Variants in BBS12 observed in about 807,000 individuals in gnomAD.
The protein encoded by BBS12 is Bardet-Biedl syndrome 12.
Under a neutral mutation model 5.6 loss-of-function variants are expected in BBS12, and 5 were observed. The observed-to-expected ratio is 0.89, with a 90% confidence interval of 0.46 to 1.86. The LOEUF (loss-of-function observed/expected upper bound fraction) is 1.86, where lower values mean the gene tolerates loss of function less well. BBS12 is among the 40% of genes most tolerant of loss of function. The probability of loss-of-function intolerance (pLI) is 0.01; values close to 1 mark genes in which losing one functional copy is unlikely to be tolerated. For missense variants in BBS12, 748 were observed against 830.4 expected (o/e 0.90, Z 1.22); for synonymous variants, 308 against 306.8 (o/e 1.00, Z -0.04).
the BBS12 span, among the ~76,000 whole-genome samples, chr4:122,720,488 T>C: frequency 6.6e-6 from 1 of 151,500 alleles, no homozygotes; most frequent in Non-Finnish European, 1.5e-5. Flanking sequence ...CAGAGGAAAA[T>C]ATTGATAATT....
Position 122,743,173 on chromosome 4 carries a change from A to G in BBS12, c.1281A>G (p.Ile427Met), listed in dbSNP as rs1578491163. ...CCGAACGCTTAATTGAAAAATGTAT[A>G]AACAGTAAGCGGTTGGTAATCGGCT... ...NVSERLIEKC[I>M]NSKRLVIGSV... The change falls in exon 2 of 2, where the codon ATA becomes ATG. Residue 427 changes from isoleucine to methionine, a missense_variant. Coordinates refer to ENST00000314218, the MANE Select transcript of BBS12 (RefSeq NM_152618.3). 3 of 1,614,104 alleles carry G rather than the reference A, an allele frequency of 1.9e-6. No individual in the cohort carries two copies. Among genetic ancestry groups the G allele is most frequent in the African/African-American group, 1.3e-5 (1 of 74,926 alleles).
intron 1 of BBS12, 114 bp from the exon 2 acceptor site, chr4:122,741,769 A>C: frequency 1.1e-6 from 1 of 875,204 alleles, no homozygotes; most frequent in Non-Finnish European, 1.8e-6. Context: ...ACCACTTTTC[A>C]TGGAAATTAT....
At chr4:122,735,332 G>T (rs1215915987) in intron 1 of BBS12, among the ~76,000 whole-genome samples, 1 of 152,186 alleles carries the variant, frequency 6.6e-6, no homozygotes, top group African/African-American at 2.4e-5. Flanking sequence ...ATAAGGAAAG[G>T]TGGGAGAAGA....
chr4:122,722,671 T>C, the BBS12 span, among the ~76,000 whole-genome samples: 2 of 152,186 alleles, frequency 1.3e-5, no homozygotes, highest in African/African-American at 4.8e-5. Context: ...GGTCTCTTTA[T>C]TATTTGTACC....
At chr4:122,706,061 T>C in the BBS12 span, among the ~76,000 whole-genome samples, 2 of 152,164 alleles carry the variant, frequency 1.3e-5, no homozygotes, top group Non-Finnish European at 2.9e-5. Flanking sequence ...GGGCCTCCTT[T>C]CCTAAGTGGG....
At chr4:122,738,032 C>T (rs1800810584) in intron 1 of BBS12, among the ~76,000 whole-genome samples, 1 of 152,098 alleles carries the variant, frequency 6.6e-6, no homozygotes, top group African/African-American at 2.4e-5. Flanking sequence ...CAAAATGGGT[C>T]AACAAACTAA....
In BBS12 at chr4:122,742,786, T is replaced by C; in HGVS notation, c.894T>C (p.Cys298=). ...EAVQLQYQNA[C]VQQGNCTKPF... ...TACAGCTGCAATATCAGAATGCTTG[T>C]GTGCAACAAGGCAACTGTACAAAAC... The change falls in exon 2 of 2, where the codon TGT becomes TGC. Residue 298 remains cysteine (C), a synonymous_variant. Transcript: ENST00000314218. 6.2e-7 allele frequency: 1 copy of C among 1,614,234 alleles called. No homozygotes were observed. The highest frequency in any genetic ancestry group is 8.5e-7 in the Non-Finnish European group (1 of 1,180,032).
the BBS12 span, among the ~76,000 whole-genome samples, chr4:122,727,186 TGACA>T: frequency 1.5e-3 from 233 of 152,330 alleles, no homozygotes; most frequent in African/African-American, 5.4e-3. Flanking sequence ...GCAACATATA[TGACA>T]GACAAAGATT....
the BBS12 span, among the ~76,000 whole-genome samples, chr4:122,719,159 G>C: frequency 0.16 from 23,927 of 152,028 alleles, 3,022 homozygotes; most frequent in East Asian, 0.64. Flanking sequence ...AGGTGAAGCC[G>C]GCTGGGCTTC....
the BBS12 span, among the ~76,000 whole-genome samples, chr4:122,714,184 T>C: frequency 6.6e-6 from 1 of 151,984 alleles, no homozygotes; most frequent in African/African-American, 2.4e-5. Context: ...GAGATCTCAT[T>C]CTCTCTCTCT....
chr4:122,727,543 A>C, the BBS12 span, among the ~76,000 whole-genome samples: 1 of 88,434 alleles, frequency 1.1e-5, no homozygotes. Context: ...GCCCCTGGCC[A>C]ATTTTTTTTT....
the BBS12 span, among the ~76,000 whole-genome samples, chr4:122,716,553 A>G: frequency 4.0e-5 from 6 of 149,430 alleles, 1 homozygote; most frequent in East Asian, 7.8e-4. Flanking sequence ...GTGTATATAT[A>G]CACATATGTA....
intron 1 of BBS12, among the ~76,000 whole-genome samples, chr4:122,739,540 G>A (rs2150734516): frequency 6.6e-6 from 1 of 152,344 alleles, no homozygotes; most frequent in East Asian, 1.9e-4. Context: ...AGCAGCCCTT[G>A]AAATGTTAAG....
the BBS12 span, among the ~76,000 whole-genome samples, chr4:122,704,109 C>A: frequency 6.6e-6 from 1 of 152,200 alleles, no homozygotes; most frequent in Non-Finnish European, 1.5e-5. Flanking sequence ...CTCAGCATAC[C>A]AAAGTGCTGG....
the BBS12 span, among the ~76,000 whole-genome samples, chr4:122,723,988 A>C: frequency 6.6e-6 from 1 of 152,208 alleles, no homozygotes; most frequent in African/African-American, 2.4e-5. Flanking sequence ...AGTCTATTTA[A>C]TCTCATCTTT....
chr4:122,712,775 A>G, the BBS12 span, among the ~76,000 whole-genome samples: 7 of 152,134 alleles, frequency 4.6e-5, no homozygotes, highest in African/African-American at 1.7e-4. Context: ...GTAGAGTTCT[A>G]ATTTGTTTTA....
chr4:122,727,561 T>TTTTTTTTTTTTTTTC, the BBS12 span, among the ~76,000 whole-genome samples: 1 of 99,266 alleles, frequency 1.0e-5, no homozygotes, highest in African/African-American at 5.3e-5. Flanking sequence ...TTTTTTTTTT[T>TTTTTTTTTTTTTTTC]TTTTTTGAGA....
chr4:122,720,392 A>G, the BBS12 span, among the ~76,000 whole-genome samples: 1 of 152,212 alleles, frequency 6.6e-6, no homozygotes, highest in East Asian at 1.9e-4. Flanking sequence ...CGGAGGTTGC[A>G]GTGAGCCAAG....
At chr4:122,721,481 CA>C in the BBS12 span, among the ~76,000 whole-genome samples, 1 of 152,202 alleles carries the variant, frequency 6.6e-6, no homozygotes, top group Non-Finnish European at 1.5e-5. Flanking sequence ...ATAGCCACCA[CA>C]AAACTTACTG....
Sources: allele counts gnomAD v4.1 joint callset (sites outside exome capture counted in the v4.1 genomes callset), GRCh38; gene constraint gnomAD v4.1.1; transcripts MANE v1.5; gene names NCBI Gene and HGNC (gene_info 2026-07-23, HGNC 2026-07-21).